The following E2F3 variants were observed in gnomAD, a reference collection of about 807,000 sequenced individuals.
E2F3 encodes transcription factor E2F3.
In E2F3, 11 loss-of-function variants were observed where a neutral mutation model predicts 44.4. That is an observed-to-expected ratio of 0.25 (90% CI 0.16 to 0.41). E2F3 has a LOEUF of 0.41. E2F3 is among the 10% of genes least tolerant of loss of function. The pLI is 1.00. For missense variants in E2F3, 487 were observed against 583.6 expected, an observed-to-expected ratio of 0.83 and a Z score of 1.70; for synonymous variants, 249 against 253.0, an observed-to-expected ratio of 0.98 and a Z score of 0.15.
At chr6:20,433,447 G>A (rs1449410458) in intron 1 of E2F3, among the ~76,000 whole-genome samples, 1 of 152,118 alleles carries the variant, frequency 6.6e-6, no homozygotes. Flanking sequence ...GAAATTTAGC[G>A]TTTTCTTCTA....
intron 1 of E2F3, among the ~76,000 whole-genome samples, chr6:20,427,632 G>A (rs1291718480): frequency 6.6e-6 from 1 of 152,134 alleles, no homozygotes; most frequent in African/African-American, 2.4e-5. Context: ...GGACCTCAGG[G>A]AGGTTTTGCT....
chr6:20,424,459 T>C (rs966516182), intron 1 of E2F3, among the ~76,000 whole-genome samples: 4 of 152,128 alleles, frequency 2.6e-5, no homozygotes, highest in Non-Finnish European at 5.9e-5. Flanking sequence ...TCTGTGTTGT[T>C]CTGTCTCTGA....
At chr6:20,483,381 G>T (rs1441481660) in intron 4 of E2F3, among the ~76,000 whole-genome samples, 1 of 152,070 alleles carries the variant, frequency 6.6e-6, no homozygotes, top group Non-Finnish European at 1.5e-5. Context: ...ACCAGATATC[G>T]TAGCAATTGA....
At chr6:20,484,581 C>T (rs576941051) in intron 4 of E2F3, among the ~76,000 whole-genome samples, 4 of 152,112 alleles carry the variant, frequency 2.6e-5, no homozygotes, top group South Asian at 2.1e-4. Flanking sequence ...TAAAGGCATC[C>T]GTTGACTTCT....
At chr6:20,460,996 C>CAAAAAAAAAAAAAAAAAAAAAA (rs61306918) in intron 1 of E2F3, among the ~76,000 whole-genome samples, 1 of 55,488 alleles carries the variant, frequency 1.8e-5, no homozygotes, top group African/African-American at 7.5e-5. Flanking sequence ...ACTCTATCTC[C>CAAAAAAAAAAAAAAAAAAAAAA]AAAAAAAAAA....
intron 1 of E2F3, among the ~76,000 whole-genome samples, chr6:20,448,814 A>G (rs1205227913): frequency 6.6e-6 from 1 of 152,242 alleles, no homozygotes; most frequent in Non-Finnish European, 1.5e-5. Flanking sequence ...CACATAGTGG[A>G]AAACACTCTA....
intron 5 of E2F3, among the ~76,000 whole-genome samples, chr6:20,487,381 C>T (rs1249337971): frequency 6.6e-6 from 1 of 152,128 alleles, no homozygotes; most frequent in Non-Finnish European, 1.5e-5. Flanking sequence ...TTACACGCTT[C>T]CATCTAGGGT....
At chr6:20,429,719 T>G (rs1287733444) in intron 1 of E2F3, among the ~76,000 whole-genome samples, 1 of 151,462 alleles carries the variant, frequency 6.6e-6, no homozygotes, top group Non-Finnish European at 1.5e-5. Context: ...TCTTGTGTGT[T>G]TTTTTTTTCA....
At chr6:20,469,713 C>G (rs558522770) in intron 1 of E2F3, among the ~76,000 whole-genome samples, 2 of 152,066 alleles carry the variant, frequency 1.3e-5, no homozygotes, top group Admixed American at 1.3e-4. Context: ...GAAAAATGAC[C>G]AACTTTGGAG....
chr6:20,482,599 A>AT (rs1554141459), intron 3 of E2F3, among the ~76,000 whole-genome samples, 163 bp from the exon 4 acceptor site: 4,958 of 134,376 alleles, frequency 0.037, 121 homozygotes, highest in Non-Finnish European at 0.052. Flanking sequence ...TGAAAAAAAA[A>AT]ATATATATAT....
At chr6:20,465,357 T>C (rs1454353798) in intron 1 of E2F3, among the ~76,000 whole-genome samples, 1 of 152,258 alleles carries the variant, frequency 6.6e-6, no homozygotes, top group Non-Finnish European at 1.5e-5. Flanking sequence ...CCCCTTTATG[T>C]CGAGAGACCA....
intron 1 of E2F3, among the ~76,000 whole-genome samples, chr6:20,449,319 C>T (rs1161522375): frequency 6.6e-6 from 1 of 152,140 alleles, no homozygotes; most frequent in Non-Finnish European, 1.5e-5. Context: ...ATTAGGTTCT[C>T]GAAAATTCTT....
chr6:20,481,177 C>A (rs765427245), intron 2 of E2F3, 29 bp from the exon 3 acceptor site: 3 of 1,607,030 alleles, frequency 1.9e-6, no homozygotes, highest in East Asian at 2.2e-5. Flanking sequence ...CCCTATCCCC[C>A]ACCCGCTCGG....
chr6:20,455,346 G>A (rs1346799483), intron 1 of E2F3, among the ~76,000 whole-genome samples: 1 of 152,150 alleles, frequency 6.6e-6, no homozygotes, highest in East Asian at 1.9e-4. Flanking sequence ...GTGCCAGGGA[G>A]GTCAGGACTG....
At chr6:20,429,702 A>T (rs1406648564) in intron 1 of E2F3, among the ~76,000 whole-genome samples, 1 of 151,718 alleles carries the variant, frequency 6.6e-6, no homozygotes, top group East Asian at 1.9e-4. Flanking sequence ...TTTTTTTCCA[A>T]CCACTTTCTT....
intron 1 of E2F3, among the ~76,000 whole-genome samples, chr6:20,405,373 G>A (rs1759459145): frequency 7.4e-6 from 1 of 135,914 alleles, no homozygotes; most frequent in South Asian, 2.3e-4. Flanking sequence ...TTGAGACGGA[G>A]TCTCATTCTG....
rs143358970 is a variant in E2F3 at position 20,453,662 on chromosome 6, G to A, written c.394-26184G>A. ...CCTGGGCTCGGGCGATCCTACCTCC[G>A]CCTCCCAAAGTGCTGAGATTATAGG... On this transcript the variant is annotated intron_variant, in intron 1 of 6. Coordinates refer to ENST00000346618, the MANE Select transcript of E2F3 (RefSeq NM_001949.5). Among the ~76,000 whole-genome samples the A allele has an allele frequency of 6.6e-3, 1,002 of 152,194 alleles. 6 individuals are homozygous for A. Among genetic ancestry groups the A allele is most frequent in the South Asian group, 0.013 (62 of 4,822 alleles).
intron 4 of E2F3, among the ~76,000 whole-genome samples, chr6:20,485,444 G>C (rs776870703): frequency 6.6e-6 from 1 of 152,106 alleles, no homozygotes; most frequent in Non-Finnish European, 1.5e-5. Context: ...GCCGGGTGTG[G>C]TGGTGCACGC....
intron 1 of E2F3, among the ~76,000 whole-genome samples, chr6:20,459,891 C>T (rs1316837196): frequency 2.6e-5 from 4 of 151,974 alleles, no homozygotes; most frequent in African/African-American, 9.7e-5. Context: ...ACAGTGATTG[C>T]ACCACTGCAC....
Sources: allele counts gnomAD v4.1 joint callset (sites outside exome capture counted in the v4.1 genomes callset), GRCh38; gene constraint gnomAD v4.1.1; transcripts MANE v1.5; gene names NCBI Gene and HGNC (gene_info 2026-07-23, HGNC 2026-07-21).